Variants in DGKB observed in about 807,000 individuals in gnomAD.
DGKB encodes the protein diacylglycerol kinase beta, also known as 90 kDa diacylglycerol kinase.
In DGKB, 67 loss-of-function variants were observed where a neutral mutation model predicts 114.3. That is an observed-to-expected ratio of 0.59 (90% CI 0.48 to 0.72). DGKB has a LOEUF of 0.72. Ranked by LOEUF, DGKB falls within the 30% of genes least tolerant of loss-of-function variation. The probability of loss-of-function intolerance (pLI) is 0.00; values close to 1 mark genes in which losing one functional copy is unlikely to be tolerated. For synonymous variants in DGKB, 398 were observed against 323.1 expected (o/e 1.23, Z -2.49); for missense variants, 907 against 975.2 (o/e 0.93, Z 0.93).
At chr7:14,624,723 T>A (rs1808258760) in intron 14 of DGKB, among the ~76,000 whole-genome samples, 1 of 152,066 alleles carries the variant, frequency 6.6e-6, no homozygotes, top group Non-Finnish European at 1.5e-5. Flanking sequence ...ACAGGCTGCA[T>A]GTGGTGGCTC....
chr7:14,693,530 A>G (rs1823263868), intron 9 of DGKB, among the ~76,000 whole-genome samples: 1 of 151,522 alleles, frequency 6.6e-6, no homozygotes, highest in South Asian at 2.1e-4. Flanking sequence ...CTGATACAGG[A>G]AAAACTTACG....
At chr7:14,705,005 A>G (rs1475985003) in intron 6 of DGKB, among the ~76,000 whole-genome samples, 3 of 151,610 alleles carry the variant, frequency 2.0e-5, no homozygotes, top group Non-Finnish European at 4.4e-5. Flanking sequence ...AAGGCTTCAG[A>G]CGATCAAATT....
Position 14,523,281 on chromosome 7 carries a change from G to T in DGKB, c.1771-45056C>A, listed in dbSNP as rs541547209. 2.0e-5 allele frequency among the ~76,000 whole-genome samples: 3 copies of T among 152,202 alleles called. No homozygotes were observed. In the East Asian group the frequency reaches 5.8e-4, roughly 29 times the overall value. On this transcript the variant is annotated intron_variant, in intron 20 of 25. Transcript: ENST00000402815. ...TTTGACACCATCTCCTTTGAAGAAG[G>T]CATCATGGAGACCACCTATGAAAAG...
chr7:14,875,659 T>A (rs6957699), intron 1 of DGKB, among the ~76,000 whole-genome samples: 4 of 151,888 alleles, frequency 2.6e-5, no homozygotes, highest in Non-Finnish European at 2.9e-5. Flanking sequence ...TGTTGAACAC[T>A]TTGCGTATTT....
chr7:14,425,448 G>GA (rs762396552), intron 21 of DGKB, among the ~76,000 whole-genome samples: 30 of 151,622 alleles, frequency 2.0e-4, no homozygotes, highest in Non-Finnish European at 1.0e-4. Flanking sequence ...TGTCACAGGT[G>GA]AAAAAAAATG....
intron 23 of DGKB, among the ~76,000 whole-genome samples, chr7:14,203,641 AAATG>A (rs1373737714): frequency 6.6e-6 from 1 of 152,014 alleles, no homozygotes; most frequent in Non-Finnish European, 1.5e-5. Flanking sequence ...ATTGTGGTCT[AAATG>A]AATGGCATCT....
intron 23 of DGKB, among the ~76,000 whole-genome samples, chr7:14,203,326 A>G (rs2128292573): frequency 6.6e-6 from 1 of 152,100 alleles, no homozygotes; most frequent in East Asian, 1.9e-4. Context: ...AACAAACAAT[A>G]AACTACAGTA....
intron 22 of DGKB, among the ~76,000 whole-genome samples, chr7:14,340,514 A>G (rs1811439158): frequency 6.6e-6 from 1 of 151,438 alleles, no homozygotes; most frequent in Admixed American, 6.6e-5. Context: ...TACCACAGGG[A>G]ATTCCCACAA....
intron 21 of DGKB, among the ~76,000 whole-genome samples, chr7:14,420,531 T>C (rs1826489816): frequency 6.6e-6 from 1 of 152,042 alleles, no homozygotes; most frequent in Non-Finnish European, 1.5e-5. Flanking sequence ...TCAGAATCTA[T>C]TTTTTCTCTG....
At chr7:14,922,007 C>G (rs1784527742) in intron 1 of DGKB, among the ~76,000 whole-genome samples, 1 of 151,880 alleles carries the variant, frequency 6.6e-6, no homozygotes, top group South Asian at 2.1e-4. Context: ...AAATCTTTAC[C>G]AAAACCCTAC....
intron 2 of DGKB, among the ~76,000 whole-genome samples, chr7:14,762,014 C>T (rs1835772342): frequency 6.6e-6 from 1 of 152,164 alleles, no homozygotes; most frequent in East Asian, 1.9e-4. Context: ...ACTGGCAGGG[C>T]AGGATACTTG....
At position 14,716,671 on chromosome 7, in the gene DGKB, T is replaced by C. The variant is rs573541400; in HGVS notation, c.466+1871A>G. 4.6e-5 allele frequency among the ~76,000 whole-genome samples: 7 copies of C among 152,242 alleles called. No homozygotes were observed. The East Asian group carries it at 1.4e-3, about 29-fold the overall frequency. ...ATGCAATTTTAGAAGGGTAAACATA[T>C]GTGGTAAATTGTTAAGAAAGTGGAT... On this transcript the variant is annotated intron_variant, in intron 6 of 25. Coordinates refer to ENST00000402815, the MANE Select transcript of DGKB (RefSeq NM_001350709.2).
At chr7:14,609,597 T>C (rs1422036458) in intron 16 of DGKB, among the ~76,000 whole-genome samples, 1 of 152,060 alleles carries the variant, frequency 6.6e-6, no homozygotes, top group Admixed American at 6.6e-5. Flanking sequence ...ATCTGCAGAA[T>C]GGGAGAAAAT....
chr7:14,241,349 G>A (rs1793614089), intron 23 of DGKB, among the ~76,000 whole-genome samples: 1 of 151,998 alleles, frequency 6.6e-6, no homozygotes. Context: ...ATAAAGGTCA[G>A]CAAAATACTG....
At chr7:14,751,947 G>C (rs1639241) in intron 4 of DGKB, among the ~76,000 whole-genome samples, 53,777 of 151,678 alleles carry the variant, frequency 0.35, 13,157 homozygotes, top group African/African-American at 0.69. Flanking sequence ...AAACATTAGT[G>C]GAACACCTTT....
intron 21 of DGKB, among the ~76,000 whole-genome samples, chr7:14,395,902 T>A (rs1036140): frequency 0.1 from 15,806 of 152,048 alleles, 993 homozygotes; most frequent in East Asian, 0.23. Flanking sequence ...TCTAATTATA[T>A]GCATTGCAAG....
intron 1 of DGKB, among the ~76,000 whole-genome samples, chr7:14,900,753 A>C (rs1207166046): frequency 6.6e-6 from 1 of 152,174 alleles, no homozygotes; most frequent in Non-Finnish European, 1.5e-5. Flanking sequence ...TAGGACAAGA[A>C]AGTATGAAGC....
chr7:14,632,673 C>G (rs1049308014), intron 13 of DGKB, among the ~76,000 whole-genome samples: 3 of 151,528 alleles, frequency 2.0e-5, no homozygotes, highest in Non-Finnish European at 4.4e-5. Context: ...GGAGAGAAGT[C>G]ATAGGAGTGG....
In DGKB at chr7:14,720,473, TTGTGTGTGTGTGTGTG is replaced by T. The variant is rs61654464; in HGVS notation, c.323-1804_323-1789del. ...GTGCGGGACACCACGCCCGGCTGAT[TTGTGTGTGTGTGTGTG>T]TGTGTGTGTGTGTGTGTGTGTGTGT... On this transcript the variant is annotated intron_variant, in intron 5 of 25. Coordinates refer to ENST00000402815, the MANE Select transcript of DGKB (RefSeq NM_001350709.2). Among the ~76,000 whole-genome samples the T allele has an allele frequency of 5.0e-3, 683 of 136,454 alleles. 2 individuals carry two copies. The highest frequency in any genetic ancestry group is 7.8e-3 in the Non-Finnish European group (502 of 64,242). The allele number at this position is 136,454 out of a possible 152,430, so 89.5% of individuals were successfully genotyped here.
Sources: gnomAD v4.1 joint callset for allele counts (sites outside exome capture counted in the v4.1 genomes callset) on GRCh38, gnomAD v4.1.1 for gene constraint, MANE v1.5 for transcripts, NCBI Gene and HGNC (gene_info 2026-07-23, HGNC 2026-07-21) for gene names.